The following SLX4 variants were observed in gnomAD, a reference collection of about 807,000 sequenced individuals.
SLX4 encodes structure-specific endonuclease subunit SLX4.
A neutral mutation model predicts 146.2 loss-of-function variants in SLX4; 112 were observed. That is an observed-to-expected ratio of 0.77 (90% CI 0.66 to 0.90). The LOEUF is 0.90. Among genes scored for constraint, SLX4 ranks in the 40% least tolerant of loss-of-function variants. The probability of loss-of-function intolerance (pLI) is 0.00; values close to 1 mark genes in which losing one functional copy is unlikely to be tolerated. For missense variants in SLX4, 2,563 were observed against 2,392.7 expected (o/e 1.07, Z -1.49); for synonymous variants, 1,061 against 997.7 (o/e 1.06, Z -1.20).
chr16:3,585,278 A>G (rs887779668), intron 12 of SLX4, among the ~76,000 whole-genome samples: 1 of 152,228 alleles, frequency 6.6e-6, no homozygotes, highest in Non-Finnish European at 1.5e-5. Context: ...TCAATTTAAA[A>G]AAACCCAGTT....
rs1250657378 is a variant in SLX4, at chr16:3,591,245, T to G, written c.2393A>C (p.Lys798Thr). The G allele has an allele frequency of 6.2e-7, 1 of 1,613,442 alleles. No homozygotes were observed. Among genetic ancestry groups the G allele is most frequent in the Admixed American group, 1.7e-5 (1 of 60,026 alleles). ...QVPIATDSEG[K>T]PWEEKEAENC... ...CTCTGCTTCCTTCTCCTCCCATGGT[T>G]TGCCCTCTGAGTCAGTGGCAATAGG... Residue 798 changes from lysine to threonine, a missense_variant, in exon 12 of 15, where the codon AAA becomes ACA. By Grantham distance (78) the Lys-to-Thr change is moderately conservative. Coordinates refer to ENST00000294008, the MANE Select transcript of SLX4 (RefSeq NM_032444.4).
intron 1 of SLX4, among the ~76,000 whole-genome samples, chr16:3,609,778 C>G (rs1171800934): frequency 6.6e-6 from 1 of 152,218 alleles, no homozygotes; most frequent in African/African-American, 2.4e-5. Context: ...TGTTGTTCTT[C>G]CACAGGTATT....
intron 5 of SLX4, chr16:3,600,490 G>A (rs754428557): frequency 5.8e-6 from 1 of 173,336 alleles, no homozygotes; most frequent in East Asian, 1.7e-4. Flanking sequence ...TGCAGATTCT[G>A]TCCCCTCCTC....
Position 3,592,818 on chromosome 16 carries a change from C to G in SLX4, c.2208G>C (p.Gln736His), listed in dbSNP as rs1293011888. 1.2e-6 allele frequency: 2 copies of G among 1,612,284 alleles called. No homozygotes were observed. The highest frequency in any genetic ancestry group is 2.7e-5 in the African/African-American group (2 of 74,866). The part of the protein sequence containing the change: ...FSAVEDGVLT[Q>H]RVLLGDVSTE... ...TGCTCACGTCACCCAGCAGGACACG[C>G]TGGGTCAGAACCCCGTCCTCTACAG... Residue 736 changes from glutamine to histidine, a missense_variant, in exon 11 of 15, where the codon CAG becomes CAC. Gln to His is a conservative substitution (Grantham distance 24, BLOSUM62 0). Transcript: ENST00000294008.
chr16:3,604,490 TA>T (rs1475561787), intron 3 of SLX4, among the ~76,000 whole-genome samples: 1 of 152,104 alleles, frequency 6.6e-6, no homozygotes, highest in Non-Finnish European at 1.5e-5. Flanking sequence ...TAAAGGATCC[TA>T]ATGTCTATAA....
chr16:3,582,868 C>T (rs1215630893), intron 14 of SLX4, among the ~76,000 whole-genome samples, 175 bp from the exon 15 acceptor site: 1 of 152,180 alleles, frequency 6.6e-6, no homozygotes, highest in Non-Finnish European at 1.5e-5. Context: ...CCAGCGGGAT[C>T]CTGCCCCAGC....
At chr16:3,611,362 G>A (rs150507083) in intron 1 of SLX4, among the ~76,000 whole-genome samples, 198 bp downstream of exon 1, 11 of 152,372 alleles carry the variant, frequency 7.2e-5, no homozygotes, top group Non-Finnish European at 1.5e-4. Context: ...CCTCCCTCCA[G>A]GCGGGCCCCG....
At chr16:3,587,366 G>T (rs1261556904) in intron 12 of SLX4, among the ~76,000 whole-genome samples, 1 of 151,978 alleles carries the variant, frequency 6.6e-6, no homozygotes, top group Non-Finnish European at 1.5e-5. Flanking sequence ...CGTGGTGCTG[G>T]GTGCCTGTAA....
chr16:3,605,531 A>C (rs2040772602), intron 3 of SLX4, among the ~76,000 whole-genome samples: 1 of 152,198 alleles, frequency 6.6e-6, no homozygotes. Flanking sequence ...CTTCATTGTA[A>C]TTAAAACAAC....
intron 14 of SLX4, 117 bp from the exon 15 acceptor site, chr16:3,582,810 C>A: frequency 9.9e-7 from 1 of 1,005,166 alleles, no homozygotes; most frequent in Non-Finnish European, 1.5e-6. Flanking sequence ...GCCTGTGGCA[C>A]GATCCCCAGC....
In SLX4 at chr16:3,609,179, G is replaced by A. The variant is rs2040821440; in HGVS notation, c.-215C>T. 16 of 520,110 alleles carry A rather than the reference G, an allele frequency of 3.1e-5. 2 individuals are homozygous for A. The highest frequency in any genetic ancestry group is 2.9e-4 in the South Asian group (14 of 48,308). The allele number at this position is 520,110 out of a possible 1,614,324, so 32.2% of individuals were successfully genotyped here. A position where few individuals can be genotyped will look rare whatever the true frequency, so the allele number is the denominator to read the frequency against. On this transcript the variant is annotated 5_prime_UTR_variant, in exon 2 of 15. Coordinates refer to ENST00000294008, the MANE Select transcript of SLX4 (RefSeq NM_032444.4). The stretch of plus-strand genomic sequence containing the variant: ...AGCTCTTTTGGAGGACGAGGCGGGG[G>A]GTGGATCACCTGAGGTCAGAAGTTC...
Position 3,606,609 on chromosome 16 carries a change from C to G in SLX4, c.625G>C (p.Val209Leu). The G allele has an allele frequency of 6.2e-7, 1 of 1,614,166 alleles. No individual in the cohort carries two copies. The highest frequency in any genetic ancestry group is 8.5e-7 in the Non-Finnish European group (1 of 1,180,036). ...SPSKPRTAQL[V>L]LQRMQQFKRA... ...TTGAACTGCTGCATTCGCTGTAGGA[C>G]CAATTGTGCTGTGCGGGGTTTGGAG... Residue 209 changes from valine to leucine, a missense_variant, in exon 3 of 15, where the codon GTC becomes CTC. Val to Leu is a conservative substitution (Grantham distance 32, BLOSUM62 1). Transcript: ENST00000294008.
chr16:3,602,362 T>G (rs989343167), intron 3 of SLX4, 55 bp from the exon 4 acceptor site: 1 of 1,596,522 alleles, frequency 6.3e-7, no homozygotes, highest in Non-Finnish European at 8.5e-7. Context: ...AAGCTCACCC[T>G]CAGACCTCTG....
Position 3,590,168 on chromosome 16 carries a change from G to T in SLX4, c.3470C>A (p.Ser1157Ter). The change falls in exon 12 of 15, where the codon TCG (serine) becomes TAG (stop). Residue 1157 changes from serine to a stop codon, truncating the protein, a stop_gained. Coordinates refer to ENST00000294008, the MANE Select transcript of SLX4 (RefSeq NM_032444.4). LOFTEE classifies it high-confidence loss of function. This position sits in a 1 kb window ranked among gnomAD's most constrained non-coding sequence, Gnocchi z 4.8. ...TTGTTCTAGCTCCAGCTCCTCATCC[G>T]AGTCCAGTAAGAGGATGACCTCATC... is the stretch of plus-strand genomic sequence containing the variant. ...EEDEVILLLD[S>*]DEELELEQTK... 6.2e-7 allele frequency: 1 copy of T among 1,614,142 alleles called. No individual in the cohort carries two copies. Among genetic ancestry groups the T allele is most frequent in the Non-Finnish European group, 8.5e-7 (1 of 1,180,012 alleles).
In SLX4 at chr16:3,600,776, A is replaced by C. The variant is rs2040717496; in HGVS notation, c.1163+203T>G. On this transcript the variant is annotated intron_variant, in intron 5 of 14. Coordinates refer to ENST00000294008, the MANE Select transcript of SLX4 (RefSeq NM_032444.4). ...CCACCATGCTAATTTTTGTATTTTT[A>C]GTAGAGACGAGATTGTACCATGTCG... 1.8e-5 allele frequency: 10 copies of C among 549,648 alleles called. No individual in the cohort carries two copies. In the Admixed American group the frequency reaches 3.1e-4, roughly 17 times the overall value. 34.0% of individuals were successfully genotyped at this position (549,648 alleles called of 1,614,324 possible).
chr16:3,599,706 C>G (rs557435849), intron 5 of SLX4, among the ~76,000 whole-genome samples: 1 of 152,178 alleles, frequency 6.6e-6, no homozygotes, highest in African/African-American at 2.4e-5. Context: ...TCCGCCTCAG[C>G]CTCCCACGTA....
chr16:3,610,661 G>A (rs568294949), intron 1 of SLX4, among the ~76,000 whole-genome samples: 1 of 152,290 alleles, frequency 6.6e-6, no homozygotes, highest in Admixed American at 6.5e-5. Context: ...CCGCTCTTGT[G>A]TTTTTATTCA....
At chr16:3,598,770 C>A (rs967103424) in intron 5 of SLX4, among the ~76,000 whole-genome samples, 3 of 152,202 alleles carry the variant, frequency 2.0e-5, no homozygotes, top group Non-Finnish European at 4.4e-5. Flanking sequence ...TTCCCAGGAA[C>A]GTGGATAATC....
At chr16:3,595,883 A>T (rs1043488281) in intron 8 of SLX4, among the ~76,000 whole-genome samples, 190 bp from the exon 9 acceptor site, 1 of 152,212 alleles carries the variant, frequency 6.6e-6, no homozygotes, top group Non-Finnish European at 1.5e-5. Context: ...GAGGTAAGAG[A>T]AGAGCAAAAC....
Sources: allele counts gnomAD v4.1 joint callset (sites outside exome capture counted in the v4.1 genomes callset), GRCh38; gene constraint gnomAD v4.1.1; non-coding constraint Gnocchi (gnomAD v3.1); transcripts MANE v1.5; gene names NCBI Gene and HGNC (gene_info 2026-07-23, HGNC 2026-07-21).